Variants in PIK3CB observed in about 807,000 individuals in gnomAD.
PIK3CB encodes the protein phosphatidylinositol 4,5-bisphosphate 3-kinase catalytic subunit beta isoform.
Under a neutral mutation model 136.8 loss-of-function variants are expected in PIK3CB, and 39 were observed. The ratio of observed to expected loss-of-function variants is 0.29; its 90% CI spans 0.22 to 0.37. The LOEUF (loss-of-function observed/expected upper bound fraction) is 0.37, where lower values mean the gene tolerates loss of function less well. PIK3CB is among the 10% of genes least tolerant of loss of function. The pLI is 1.00. For synonymous variants in PIK3CB, 428 were observed against 436.6 expected (o/e 0.98, Z 0.25); for missense variants, 868 against 1,275.4 (o/e 0.68, Z 4.87).
intron 2 of PIK3CB, among the ~76,000 whole-genome samples, chr3:138,760,572 G>T (rs1313543381): frequency 6.6e-6 from 1 of 152,106 alleles, no homozygotes; most frequent in Non-Finnish European, 1.5e-5. Flanking sequence ...ATGAACCAAG[G>T]TTCATTTAAC....
chr3:138,769,092 C>G (rs2045769264), intron 2 of PIK3CB, among the ~76,000 whole-genome samples: 1 of 152,136 alleles, frequency 6.6e-6, no homozygotes, highest in Admixed American at 6.5e-5. Context: ...AAGCTCCCAC[C>G]CACTAACTTG....
chr3:138,672,930 A>AG (rs2043566683), intron 19 of PIK3CB, among the ~76,000 whole-genome samples: 1 of 134,766 alleles, frequency 7.4e-6, no homozygotes, highest in African/African-American at 2.6e-5. Flanking sequence ...AAAAAAAAAA[A>AG]GAGAGAGAGA....
intron 13 of PIK3CB, among the ~76,000 whole-genome samples, chr3:138,697,477 C>A (rs908206611): frequency 1.3e-5 from 2 of 151,342 alleles, no homozygotes; most frequent in Non-Finnish European, 2.9e-5. Flanking sequence ...CCTCTGTCAC[C>A]CAGGCTAGAA....
chr3:138,826,504 T>G (rs1427363793), intron 1 of PIK3CB, among the ~76,000 whole-genome samples: 3 of 150,006 alleles, frequency 2.0e-5, no homozygotes, highest in East Asian at 1.9e-4. Flanking sequence ...TTTGGGTTTT[T>G]TTTTTTTTTT....
chr3:138,744,850 A>ATGAAGTTG (rs1420423141), intron 4 of PIK3CB, among the ~76,000 whole-genome samples: 8 of 152,172 alleles, frequency 5.3e-5, no homozygotes, highest in African/African-American at 1.9e-4. Context: ...ACTCATCTCC[A>ATGAAGTTG]TGAAGTTGTT....
intron 4 of PIK3CB, among the ~76,000 whole-genome samples, chr3:138,751,188 G>A (rs2108701506): frequency 6.6e-6 from 1 of 152,308 alleles, no homozygotes; most frequent in Admixed American, 6.5e-5. Flanking sequence ...GCCGGGCGCA[G>A]TAGCTCACGC....
chr3:138,701,084 C>T (rs1577092264), intron 12 of PIK3CB, among the ~76,000 whole-genome samples: 1 of 151,962 alleles, frequency 6.6e-6, no homozygotes, highest in Non-Finnish European at 1.5e-5. Flanking sequence ...ACCTTTACTT[C>T]TTTGATATTC....
rs1933770799 is a variant in PIK3CB, at chr3:138,826,029, G to A, written c.-122+8666C>T. On this transcript the variant is annotated intron_variant, in intron 1 of 23. Transcript: ENST00000674063. ...GCTGGCTATGCCACTGTACTGGATT[G>A]TCACACAGCTTACACAGCTTGCAAG... 10 of 1,372,516 alleles carry A rather than the reference G, an allele frequency of 7.3e-6. No individual in the cohort carries two copies. The African/African-American group carries it at 8.5e-5, about 12-fold the overall frequency. 85.0% of individuals were successfully genotyped at this position (1,372,516 alleles called of 1,614,324 possible). A position where few individuals can be genotyped will look rare whatever the true frequency, so the allele number is the denominator to read the frequency against.
intron 2 of PIK3CB, chr3:138,778,602 A>T: frequency 4.7e-6 from 1 of 212,420 alleles, no homozygotes; most frequent in South Asian, 6.8e-5. Context: ...AAGGAGGTGA[A>T]GCAGGCGTGG....
chr3:138,832,511 G>A (rs1934079070), intron 1 of PIK3CB, among the ~76,000 whole-genome samples: 1 of 151,508 alleles, frequency 6.6e-6, no homozygotes, highest in Admixed American at 6.6e-5. Flanking sequence ...GGCCAACATG[G>A]CAAAACCACC....
chr3:138,664,156 A>C, intron 20 of PIK3CB, 127 bp from the exon 21 acceptor site: 1 of 1,077,160 alleles, frequency 9.3e-7, no homozygotes, highest in Non-Finnish European at 1.3e-6. Flanking sequence ...AAACCGTATG[A>C]GAGAACATGT....
Position 138,707,165 on chromosome 3 carries a change from G to T in PIK3CB, c.1524C>A (p.Phe508Leu), listed in dbSNP as rs61755418. The change falls in exon 11 of 24, where the codon TTC becomes TTA. Residue 508 changes from phenylalanine to leucine, a missense_variant. By Grantham distance (22) the Phe-to-Leu change is conservative (BLOSUM62 0). Transcript: ENST00000674063. ...NKKQPYYYPP[F>L]DKIIEKAAEI... Reference sequence around the variant, plus strand: ...CTTTAAATAATTAGCTTACCTTATCGAAGGGAGGGTAATAATAAGGTTGTT... The same window carrying T: ...CTTTAAATAATTAGCTTACCTTATCTAAGGGAGGGTAATAATAAGGTTGTT... 6.4e-7 allele frequency: 1 copy of T among 1,564,640 alleles called. No individual in the cohort carries two copies. Among genetic ancestry groups the T allele is most frequent in the African/African-American group, 1.4e-5 (1 of 73,966 alleles).
chr3:138,681,447 A>G (rs1449619209), intron 19 of PIK3CB, among the ~76,000 whole-genome samples: 4 of 152,136 alleles, frequency 2.6e-5, no homozygotes, highest in Non-Finnish European at 5.9e-5. Context: ...TTCATTGTGA[A>G]TACGATTCCC....
chr3:138,789,498 A>G (rs1481804309), intron 2 of PIK3CB, among the ~76,000 whole-genome samples: 2 of 152,134 alleles, frequency 1.3e-5, no homozygotes, highest in African/African-American at 4.8e-5. Context: ...ATGATCCACT[A>G]TGATCTAATA....
rs1577080931 is a variant in PIK3CB at position 138,693,540 on chromosome 3, A to C, written c.1892+1246T>G. On this transcript the variant is annotated intron_variant, in intron 14 of 23. Transcript: ENST00000674063. ...CAGCCTCCTGAGTAGCTGAGATTACAGGCACCGGCCACCACGCCTGGCTAA... is the reference window on the plus strand; with the variant it reads ...CAGCCTCCTGAGTAGCTGAGATTACCGGCACCGGCCACCACGCCTGGCTAA... Among the ~76,000 whole-genome samples, 10 of 152,050 alleles carry C rather than the reference A, an allele frequency of 6.6e-5. 1 individual carries two copies. The South Asian group carries it at 2.1e-3, about 32-fold the overall frequency.
At chr3:138,693,092 T>C (rs1290185438) in intron 14 of PIK3CB, among the ~76,000 whole-genome samples, 1 of 152,196 alleles carries the variant, frequency 6.6e-6, no homozygotes, top group African/African-American at 2.4e-5. Context: ...TATTTATTTA[T>C]GTATTTGTAT....
chr3:138,812,606 C>A (rs1292145602), intron 1 of PIK3CB, among the ~76,000 whole-genome samples: 1 of 151,756 alleles, frequency 6.6e-6, no homozygotes, highest in Admixed American at 6.6e-5. Context: ...CAGCTGACTG[C>A]AACCCCTGAC....
intron 4 of PIK3CB, among the ~76,000 whole-genome samples, chr3:138,753,219 T>A (rs1477515233): frequency 6.7e-6 from 1 of 150,276 alleles, no homozygotes; most frequent in Non-Finnish European, 1.5e-5. Flanking sequence ...CTGTCTCAAT[T>A]TAAAAATAAA....
intron 13 of PIK3CB, among the ~76,000 whole-genome samples, chr3:138,695,636 A>G (rs2044120031): frequency 6.6e-6 from 1 of 152,212 alleles, no homozygotes; most frequent in African/African-American, 2.4e-5. Flanking sequence ...TTTTTTAAAA[A>G]TTAGCTTAAT....
Sources: allele counts gnomAD v4.1 joint callset (sites outside exome capture counted in the v4.1 genomes callset), GRCh38; gene constraint gnomAD v4.1.1; transcripts MANE v1.5; gene names NCBI Gene and HGNC (gene_info 2026-07-23, HGNC 2026-07-21).